The following EPS15L1 variants were observed in gnomAD, a reference collection of about 807,000 sequenced individuals.
The protein encoded by EPS15L1 is epidermal growth factor receptor pathway substrate 15 like 1, also known as epidermal growth factor receptor substrate 15-like 1.
A neutral mutation model predicts 117.1 loss-of-function variants in EPS15L1; 43 were observed. That is an observed-to-expected ratio of 0.37 (90% CI 0.29 to 0.47). EPS15L1 has a LOEUF of 0.47. Among genes scored for constraint, EPS15L1 ranks in the 20% least tolerant of loss-of-function variants. The pLI is 0.99. For synonymous variants in EPS15L1, 459 were observed against 470.5 expected, an observed-to-expected ratio of 0.98 and a Z score of 0.32; for missense variants, 981 against 1,164.0, an observed-to-expected ratio of 0.84 and a Z score of 2.29.
chr19:16,402,424 T>C lies in EPS15L1; in HGVS notation c.1688A>G (p.Gln563Arg). 6.2e-7 allele frequency: 1 copy of C among 1,613,840 alleles called. No individual in the cohort carries two copies. The highest frequency in any genetic ancestry group is 8.5e-7 in the Non-Finnish European group (1 of 1,179,854). The change falls in exon 16 of 24, where the codon CAG (glutamine) becomes CGG (arginine). Residue 563 changes from glutamine (Q) to arginine (R), a missense_variant. Coordinates refer to ENST00000455140, the MANE Select transcript of EPS15L1 (RefSeq NM_001258374.3). ...GGCTCCATCGAGCACCTGGTCATACTGCTCCAGGCTCCTGTGGGCCTCCTG... is the reference window on the plus strand; with the variant it reads ...GGCTCCATCGAGCACCTGGTCATACCGCTCCAGGCTCCTGTGGGCCTCCTG... ...SRQEAHRSLEQYDQVLDGAHG... is the reference protein window; with the variant it reads ...SRQEAHRSLERYDQVLDGAHG...
intron 23 of EPS15L1, chr19:16,356,943 G>A (rs79112293): frequency 0.035 from 5,307 of 152,210 alleles, 97 homozygotes; most frequent in African/African-American, 0.049. Flanking sequence ...GTCTCTCTGC[G>A]ATGCACTGCC....
intron 23 of EPS15L1, chr19:16,361,557 C>T (rs1201576164): frequency 2.8e-5 from 36 of 1,296,358 alleles, no homozygotes; most frequent in Non-Finnish European, 3.5e-5. Context: ...AAAACGTGCC[C>T]TTATGATAGA....
At chr19:16,397,780 G>A (rs927627177) in intron 16 of EPS15L1, among the ~76,000 whole-genome samples, 3 of 151,944 alleles carry the variant, frequency 2.0e-5, no homozygotes, top group Admixed American at 1.3e-4. Flanking sequence ...TTTTGTAATG[G>A]GAAGTAGTCT....
intron 22 of EPS15L1, among the ~76,000 whole-genome samples, chr19:16,369,213 C>T (rs539078863): frequency 1.9e-4 from 29 of 152,224 alleles, no homozygotes; most frequent in African/African-American, 7.0e-4. Flanking sequence ...GCACCAGCCC[C>T]GCGCGCACTC....
At position 16,443,233 on chromosome 19, in the gene EPS15L1, A is replaced by ACT. The variant is rs147938566; in HGVS notation, c.34-1016_34-1015dup. Among the ~76,000 whole-genome samples the ACT allele has an allele frequency of 4.8e-3, 734 of 152,310 alleles. 5 individuals carry two copies. Among genetic ancestry groups the ACT allele is most frequent in the African/African-American group, 0.016 (672 of 41,562 alleles). Reference sequence around the variant, plus strand: ...AATAGAACTGGGCAGGGAAAAGAGGACTATCTTGGGGGCAGGATTACAGTG... The same window carrying ACT: ...AATAGAACTGGGCAGGGAAAAGAGGACTCTATCTTGGGGGCAGGATTACAGTG... On this transcript the variant is annotated intron_variant, in intron 1 of 23. Transcript: ENST00000455140.
In EPS15L1 at chr19:16,422,184, G is replaced by A. The variant is rs576964965; in HGVS notation, c.793-708C>T. Among the ~76,000 whole-genome samples the A allele has an allele frequency of 4.0e-4, 61 of 152,174 alleles. 1 individual carries two copies. Among genetic ancestry groups the A allele is most frequent in the Admixed American group, 1.7e-3 (26 of 15,288 alleles). Reference sequence around the variant, plus strand: ...GGGCTGGGTCACCCGCTGCACGTGCGACCCCTCTCGCCACCAGCTCACAGT... The same window carrying A: ...GGGCTGGGTCACCCGCTGCACGTGCAACCCCTCTCGCCACCAGCTCACAGT... On this transcript the variant is annotated intron_variant, in intron 9 of 23. Transcript: ENST00000455140.
In EPS15L1 at chr19:16,381,670, C is replaced by G. The variant is rs757592411; in HGVS notation, c.2247+3459G>C. Among the ~76,000 whole-genome samples the G allele has an allele frequency of 2.0e-5, 3 of 152,222 alleles. No individual in the cohort carries two copies. Among genetic ancestry groups the G allele is most frequent in the Non-Finnish European group, 4.4e-5 (3 of 68,044 alleles). On this transcript the variant is annotated intron_variant, in intron 21 of 23. Transcript: ENST00000455140. This position sits in a 1 kb window ranked among gnomAD's most constrained non-coding sequence, Gnocchi z 4.2. Reference sequence around the variant, plus strand: ...CCCCCATCTGCTGCCCCAGTTGTCCCCAGGCCTGTCCGAGACATGAGGGGC... The same window carrying G: ...CCCCCATCTGCTGCCCCAGTTGTCCGCAGGCCTGTCCGAGACATGAGGGGC...
In EPS15L1 at chr19:16,404,009, C is replaced by A; in HGVS notation, c.1429-79G>T. ...GGACTCCGAGAAAGAACTCTTAGCCCCCATCCCCGAAACAAGCTAAGCCAG... is the reference window on the plus strand; with the variant it reads ...GGACTCCGAGAAAGAACTCTTAGCCACCATCCCCGAAACAAGCTAAGCCAG... On this transcript the variant is annotated intron_variant, in intron 14 of 23. Transcript: ENST00000455140. The surrounding 1 kb of genome is among the most constrained non-coding windows in gnomAD (Gnocchi z 4.2). The A allele has an allele frequency of 7.4e-7, 1 of 1,351,972 alleles. No individual in the cohort carries two copies. Among genetic ancestry groups the A allele is most frequent in the Non-Finnish European group, 1.0e-6 (1 of 974,782 alleles). 83.7% of individuals were successfully genotyped at this position (1,351,972 alleles called of 1,614,324 possible).
intron 16 of EPS15L1, 75 bp from the exon 17 acceptor site, chr19:16,395,542 A>T: frequency 7.0e-7 from 1 of 1,435,638 alleles, no homozygotes; most frequent in Non-Finnish European, 9.7e-7. Flanking sequence ...TTCCATACTT[A>T]ACTCACATTT....
intron 7 of EPS15L1, among the ~76,000 whole-genome samples, chr19:16,431,247 A>C (rs1431957340): frequency 6.6e-6 from 1 of 151,302 alleles, no homozygotes; most frequent in African/African-American, 2.4e-5. Context: ...AAAAAAAAAA[A>C]ACTTTTTTTT....
Position 16,371,919 on chromosome 19 carries a change from TCTAA to T in EPS15L1, c.2380+5199_2380+5202del, listed in dbSNP as rs1315402841. Among the ~76,000 whole-genome samples the T allele has an allele frequency of 1.3e-5, 2 of 152,352 alleles. No homozygotes were observed. Among genetic ancestry groups the T allele is most frequent in the African/African-American group, 2.4e-5 (1 of 41,586 alleles). The stretch of plus-strand genomic sequence containing the variant: ...GTGCCACGGCTAACTTTAACCTAAC[TCTAA>T]CTGACAGGTTTCGGCAGCCTGCCGG... On this transcript the variant is annotated intron_variant, in intron 22 of 23. Coordinates refer to ENST00000455140, the MANE Select transcript of EPS15L1 (RefSeq NM_001258374.3). This position sits in a 1 kb window ranked among gnomAD's most constrained non-coding sequence, Gnocchi z 4.7.
intron 16 of EPS15L1, chr19:16,402,090 G>A: frequency 3.1e-6 from 4 of 1,286,330 alleles, no homozygotes; most frequent in Non-Finnish European, 3.9e-6. Flanking sequence ...GGTTCTGAAA[G>A]GATCCAGGCC....
chr19:16,418,101 G>T lies in EPS15L1; in HGVS notation c.954C>A (p.Ala318=), dbSNP rs755504117. ...LTQNLLAHIW[A]LADTRQTGKL... Reference sequence around the variant, plus strand: ...TCCCCGTTTGCCTCGTATCGGCCAGGGCCCTGGGAGAAACGTGGGGATGCT... The same window carrying T: ...TCCCCGTTTGCCTCGTATCGGCCAGTGCCCTGGGAGAAACGTGGGGATGCT... The change falls in exon 11 of 24, where the codon GCC becomes GCA. Residue 318 remains alanine, a synonymous_variant. Coordinates refer to ENST00000455140, the MANE Select transcript of EPS15L1 (RefSeq NM_001258374.3). The T allele has an allele frequency of 2.5e-6, 4 of 1,612,212 alleles. No individual in the cohort carries two copies. In the Admixed American group the frequency reaches 6.7e-5, roughly 27 times the overall value.
intron 19 of EPS15L1, 140 bp from the exon 20 acceptor site, chr19:16,386,371 A>G: frequency 1.4e-6 from 1 of 694,160 alleles, no homozygotes; most frequent in Non-Finnish European, 2.6e-6. Context: ...AACTCAACCC[A>G]GGCAGAGTAA....
chr19:16,392,417 T>G lies in EPS15L1; in HGVS notation c.1990A>C (p.Lys664Gln), dbSNP rs1396056116. 3.1e-6 allele frequency: 5 copies of G among 1,614,074 alleles called. No individual in the cohort carries two copies. The African/African-American group carries it at 5.3e-5, about 17-fold the overall frequency. Reference protein sequence around the residue: ...STDPFGGDPFKESDPFRGSAT... With the variant: ...STDPFGGDPFQESDPFRGSAT... ...GAGCCACGGAATGGGTCACTTTCTT[T>G]GAAAGGGTCCCCTCCAAATGGATCT... The change falls in exon 19 of 24, where the codon AAA becomes CAA. Residue 664 changes from lysine to glutamine, a missense_variant. Transcript: ENST00000455140.
intron 23 of EPS15L1, chr19:16,356,195 G>A (rs978252641): frequency 3.0e-5 from 11 of 361,448 alleles, no homozygotes; most frequent in South Asian, 2.1e-4. Flanking sequence ...AACTTCCAGC[G>A]TGCATGGCTC....
chr19:16,412,179 G>T (rs2092712787), intron 13 of EPS15L1, among the ~76,000 whole-genome samples: 1 of 151,968 alleles, frequency 6.6e-6, no homozygotes, highest in South Asian at 2.1e-4. Flanking sequence ...GGGCCAACTT[G>T]TCTCAATTTT....
intron 7 of EPS15L1, among the ~76,000 whole-genome samples, chr19:16,433,516 AG>A (rs1348497473): frequency 6.6e-6 from 1 of 152,164 alleles, no homozygotes; most frequent in East Asian, 1.9e-4. Flanking sequence ...CTTTATCAGA[AG>A]AAAAAGAGTA....
At chr19:16,386,001 C>T (rs1327999715) in intron 20 of EPS15L1, among the ~76,000 whole-genome samples, 170 bp downstream of exon 20, 4 of 152,242 alleles carry the variant, frequency 2.6e-5, no homozygotes, top group African/African-American at 9.6e-5. Context: ...AGGGGAGCAG[C>T]AGCGGGTGCT....
Sources: allele counts gnomAD v4.1 joint callset (sites outside exome capture counted in the v4.1 genomes callset), GRCh38; gene constraint gnomAD v4.1.1; non-coding constraint Gnocchi (gnomAD v3.1); transcripts MANE v1.5; gene names NCBI Gene and HGNC (gene_info 2026-07-23, HGNC 2026-07-21).